Variants in GPD2 observed in about 807,000 individuals in gnomAD.
GPD2 encodes the protein glycerol-3-phosphate dehydrogenase 2.
A neutral mutation model predicts 82.4 loss-of-function variants in GPD2; 54 were observed. The observed-to-expected ratio is 0.66, with a 90% CI of 0.53 to 0.82. The LOEUF is 0.82. Among genes scored for constraint, GPD2 ranks in the 40% least tolerant of loss-of-function variants. The pLI, the probability that GPD2 is intolerant of heterozygous loss-of-function variation, is 0.00. For synonymous variants in GPD2, 288 were observed against 306.1 expected, an observed-to-expected ratio of 0.94 and a Z score of 0.62; for missense variants, 748 against 896.2, an observed-to-expected ratio of 0.83 and a Z score of 2.11.
chr2:156,545,700 A>G (rs1686502611), intron 6 of GPD2, among the ~76,000 whole-genome samples: 1 of 152,226 alleles, frequency 6.6e-6, no homozygotes, highest in South Asian at 2.1e-4. Flanking sequence ...ACCTGAAGAA[A>G]CAAGAAAATC....
chr2:156,475,951 C>T, intron 1 of GPD2, 147 bp from the exon 2 acceptor site: 1 of 610,906 alleles, frequency 1.6e-6, no homozygotes, highest in Non-Finnish European at 2.9e-6. Flanking sequence ...TTGCAGTATA[C>T]ACATTGGTTT....
At chr2:156,462,139 T>C (rs1268844331) in intron 1 of GPD2, among the ~76,000 whole-genome samples, 1 of 152,236 alleles carries the variant, frequency 6.6e-6, no homozygotes, top group Admixed American at 6.5e-5. Context: ...AATATACTAA[T>C]TGTTTCTAGC....
At chr2:156,535,047 T>C (rs920921670) in intron 6 of GPD2, among the ~76,000 whole-genome samples, 3 of 151,994 alleles carry the variant, frequency 2.0e-5, no homozygotes, top group East Asian at 1.9e-4. Context: ...TGCAGACCCA[T>C]GGAATTACAG....
At chr2:156,466,349 T>TA (rs1573897254) in intron 1 of GPD2, among the ~76,000 whole-genome samples, 1 of 152,156 alleles carries the variant, frequency 6.6e-6, no homozygotes. Flanking sequence ...GCAAACATAA[T>TA]AGAAACTATT....
At chr2:156,454,490 T>C (rs577863675) in intron 1 of GPD2, among the ~76,000 whole-genome samples, 18 of 101,148 alleles carry the variant, frequency 1.8e-4, no homozygotes, top group African/African-American at 5.8e-4. Context: ...ACCCTATCTC[T>C]ATGAAAAAAA....
intron 3 of GPD2, among the ~76,000 whole-genome samples, chr2:156,503,694 T>C (rs1178522080): frequency 6.6e-6 from 1 of 152,164 alleles, no homozygotes; most frequent in African/African-American, 2.4e-5. Flanking sequence ...TATTTGTTTT[T>C]AAAGCGAGAT....
At chr2:156,564,193 T>C (rs1347275230) in intron 9 of GPD2, among the ~76,000 whole-genome samples, 1 of 152,160 alleles carries the variant, frequency 6.6e-6, no homozygotes, top group African/African-American at 2.4e-5. Context: ...AGGTGATTAA[T>C]GATTTGTCAG....
chr2:156,547,141 G>A (rs1179800202), intron 6 of GPD2, among the ~76,000 whole-genome samples: 4 of 152,286 alleles, frequency 2.6e-5, no homozygotes, highest in East Asian at 1.9e-4. Flanking sequence ...TTGTCACAGT[G>A]CCTGATTCAT....
chr2:156,475,519 C>T (rs901318936), intron 1 of GPD2, among the ~76,000 whole-genome samples: 3 of 152,220 alleles, frequency 2.0e-5, no homozygotes, highest in African/African-American at 7.2e-5. Context: ...CAAGTGTGAG[C>T]CACCACGCCC....
At chr2:156,459,950 A>G (rs1413249754) in intron 1 of GPD2, among the ~76,000 whole-genome samples, 5 of 152,116 alleles carry the variant, frequency 3.3e-5, no homozygotes, top group Admixed American at 3.3e-4. Flanking sequence ...AGGTGAGGTC[A>G]GGCCTGAAGG....
intron 6 of GPD2, among the ~76,000 whole-genome samples, chr2:156,546,779 G>A (rs1686557118): frequency 6.6e-6 from 1 of 152,124 alleles, no homozygotes; most frequent in Non-Finnish European, 1.5e-5. Flanking sequence ...CATAAATATA[G>A]GGCCTAGTTT....
intron 8 of GPD2, among the ~76,000 whole-genome samples, chr2:156,556,654 A>G (rs1002410338): frequency 6.6e-6 from 1 of 152,202 alleles, no homozygotes; most frequent in African/African-American, 2.4e-5. Context: ...ATAGTACACT[A>G]CTAGTGTCTT....
At chr2:156,538,671 A>ATT in intron 6 of GPD2, among the ~76,000 whole-genome samples, 1 of 152,000 alleles carries the variant, frequency 6.6e-6, no homozygotes, top group African/African-American at 2.4e-5. Flanking sequence ...ATACAAAAAA[A>ATT]TTAGCTGGGC....
chr2:156,421,670 A>G, the GPD2 span, among the ~76,000 whole-genome samples: 161 of 152,286 alleles, frequency 1.1e-3, no homozygotes, highest in Non-Finnish European at 1.4e-3. Flanking sequence ...AACCCAAAAT[A>G]TGTCTTGCCT....
intron 1 of GPD2, among the ~76,000 whole-genome samples, chr2:156,456,621 G>C (rs1682799332): frequency 6.6e-6 from 1 of 151,886 alleles, no homozygotes; most frequent in Non-Finnish European, 1.5e-5. Flanking sequence ...TGGTCTTCTT[G>C]ATCCTACATG....
chr2:156,425,855 A>G, the GPD2 span, among the ~76,000 whole-genome samples: 1 of 152,150 alleles, frequency 6.6e-6, no homozygotes, highest in Non-Finnish European at 1.5e-5. Flanking sequence ...CGGGTGTGTG[A>G]TAAAAGCATA....
chr2:156,568,717 T>G (rs1001437418), intron 9 of GPD2, 108 bp from the exon 10 acceptor site: 2 of 913,216 alleles, frequency 2.2e-6, no homozygotes, highest in Non-Finnish European at 3.6e-6. Flanking sequence ...CTTTTTAAAG[T>G]GCACACATGT....
At chr2:156,503,151 C>G (rs543914159) in intron 3 of GPD2, among the ~76,000 whole-genome samples, 139 of 152,226 alleles carry the variant, frequency 9.1e-4, no homozygotes, top group Non-Finnish European at 1.6e-3. Flanking sequence ...CTTCCTGGGC[C>G]CAGAGAGTGG....
chr2:156,543,349 G>A (rs548613343), intron 6 of GPD2, among the ~76,000 whole-genome samples: 1 of 152,272 alleles, frequency 6.6e-6, no homozygotes, highest in South Asian at 2.1e-4. Context: ...AGGTAGCAAA[G>A]GCTTTGGCAG....
Sources: allele counts gnomAD v4.1 joint callset (sites outside exome capture counted in the v4.1 genomes callset), GRCh38; gene constraint gnomAD v4.1.1; transcripts MANE v1.5; gene names NCBI Gene and HGNC (gene_info 2026-07-23, HGNC 2026-07-21).